The following LRP1B variants were observed in gnomAD, a reference collection of about 807,000 sequenced individuals.
The protein encoded by LRP1B is LDL receptor related protein 1B.
In LRP1B, 217 loss-of-function variants were observed where a neutral mutation model predicts 556.6. The ratio of observed to expected loss-of-function variants is 0.39; its 90% CI spans 0.35 to 0.44. LRP1B has a LOEUF of 0.44. LRP1B is among the 20% of genes least tolerant of loss of function. The probability of loss-of-function intolerance (pLI) is 1.00; values close to 1 mark genes in which losing one functional copy is unlikely to be tolerated. For missense variants in LRP1B, 5,053 were observed against 5,620.8 expected (o/e 0.90, Z 3.23); for synonymous variants, 2,047 against 1,865.8 (o/e 1.10, Z -2.50).
At chr2:141,159,126 A>T (rs150668016) in intron 7 of LRP1B, among the ~76,000 whole-genome samples, 1 of 152,328 alleles carries the variant, frequency 6.6e-6, no homozygotes, top group East Asian at 1.9e-4. Context: ...TCTCTTCCAC[A>T]GAAGGTGCCT....
intron 2 of LRP1B, among the ~76,000 whole-genome samples, chr2:141,540,531 A>C (rs1685221769): frequency 6.6e-6 from 1 of 152,028 alleles, no homozygotes; most frequent in Non-Finnish European, 1.5e-5. Flanking sequence ...AAAGTGCTTC[A>C]AGACTCATAG....
At chr2:141,216,123 G>T (rs1370440771) in intron 6 of LRP1B, among the ~76,000 whole-genome samples, 1 of 152,136 alleles carries the variant, frequency 6.6e-6, no homozygotes, top group African/African-American at 2.4e-5. Flanking sequence ...CAGGACCAAG[G>T]CTCTGCTGCT....
At position 140,501,708 on chromosome 2, in the gene LRP1B, T is replaced by C; in HGVS notation, c.8829A>G (p.Gln2943=). 1 of 1,611,174 alleles carries C rather than the reference T, an allele frequency of 6.2e-7. No homozygotes were observed. The highest frequency in any genetic ancestry group is 8.5e-7 in the Non-Finnish European group (1 of 1,178,304). The part of the protein sequence containing the change: ...KKVSGCSQDC[Q]DLPVSYKCKC... ...CTACCTTATAACTGACCGGAAGGTC[T>C]TGACAGTCTTGAGAACATCCACTGA... Residue 2943 remains glutamine (Q), a synonymous_variant, in exon 55 of 91, where the codon CAA becomes CAG. Transcript: ENST00000389484.
intron 3 of LRP1B, among the ~76,000 whole-genome samples, chr2:141,420,462 A>G (rs971351418): frequency 1.3e-5 from 2 of 152,078 alleles, no homozygotes; most frequent in African/African-American, 2.4e-5. Flanking sequence ...TGTGAATGCA[A>G]TTCTTCAGTT....
At chr2:141,339,125 G>A (rs1687953671) in intron 3 of LRP1B, among the ~76,000 whole-genome samples, 1 of 151,760 alleles carries the variant, frequency 6.6e-6, no homozygotes, top group Non-Finnish European at 1.5e-5. Flanking sequence ...TGAACTCCAG[G>A]CTAAGACTTA....
chr2:142,126,517 T>C (rs1178687162), intron 1 of LRP1B, among the ~76,000 whole-genome samples: 1 of 151,912 alleles, frequency 6.6e-6, no homozygotes, highest in Non-Finnish European at 1.5e-5. Flanking sequence ...AATGATATCA[T>C]GTTGGCACAG....
At chr2:141,295,746 AACACACACACACACACACAC>A (rs376812743) in intron 3 of LRP1B, among the ~76,000 whole-genome samples, 4 of 130,516 alleles carry the variant, frequency 3.1e-5, no homozygotes, top group Non-Finnish European at 4.8e-5. Flanking sequence ...TGAGGAGAGA[AACACACACACACACACACAC>A]ACACACACAC....
At chr2:141,719,956 A>G (rs1389488498) in intron 2 of LRP1B, among the ~76,000 whole-genome samples, 1 of 152,128 alleles carries the variant, frequency 6.6e-6, no homozygotes, top group Non-Finnish European at 1.5e-5. Flanking sequence ...CATGAAATAT[A>G]CCCATGCAAC....
intron 2 of LRP1B, among the ~76,000 whole-genome samples, chr2:141,735,588 A>G (rs1693435615): frequency 6.6e-6 from 1 of 151,974 alleles, no homozygotes. Flanking sequence ...AGAGCCCTCC[A>G]TTACTGCCCA....
rs927417246 is a variant in LRP1B at position 140,840,856 on chromosome 2, T to C, written c.5114+62A>G. 40 of 1,327,954 alleles carry C rather than the reference T, an allele frequency of 3.0e-5. No homozygotes were observed. In the African/African-American group the frequency reaches 5.7e-4, roughly 19 times the overall value. 82.3% of individuals were successfully genotyped at this position (1,327,954 alleles called of 1,614,324 possible). A position where few individuals can be genotyped will look rare whatever the true frequency, so the allele number is the denominator to read the frequency against. ...CTCTGAATTAAGCAATGTTTTTATA[T>C]AAAATCAGGGCAAAAGTCTATGAAA... On this transcript the variant is annotated intron_variant, in intron 30 of 90. Coordinates refer to ENST00000389484, the MANE Select transcript of LRP1B (RefSeq NM_018557.3).
At chr2:142,081,816 T>C (rs1705729309) in intron 1 of LRP1B, among the ~76,000 whole-genome samples, 1 of 152,176 alleles carries the variant, frequency 6.6e-6, no homozygotes, top group South Asian at 2.1e-4. Flanking sequence ...TAGAGTTTCT[T>C]GTAAGCATGG....
chr2:141,057,742 T>C (rs1699220300), intron 9 of LRP1B, among the ~76,000 whole-genome samples: 1 of 151,890 alleles, frequency 6.6e-6, no homozygotes, highest in African/African-American at 2.4e-5. Context: ...TAAACCTCTT[T>C]CTTTTGTAAA....
chr2:140,925,408 A>G (rs17578679), intron 20 of LRP1B, among the ~76,000 whole-genome samples: 17,205 of 152,176 alleles, frequency 0.11, 1,086 homozygotes, highest in Middle Eastern at 0.16. Flanking sequence ...GCATCACTCT[A>G]TGGTGAAGAG....
chr2:141,350,459 TA>T (rs1688403513), intron 3 of LRP1B, among the ~76,000 whole-genome samples: 1 of 152,022 alleles, frequency 6.6e-6, no homozygotes, highest in African/African-American at 2.4e-5. Flanking sequence ...CCAATGTTCA[TA>T]TTTGTTCAGA....
At chr2:140,453,462 T>C (rs1686962967) in intron 62 of LRP1B, among the ~76,000 whole-genome samples, 6 of 152,028 alleles carry the variant, frequency 3.9e-5, no homozygotes, top group Admixed American at 3.9e-4. Context: ...ATCATAAATG[T>C]TCTCTAAGAC....
At chr2:140,887,599 C>T (rs1693677084) in intron 23 of LRP1B, among the ~76,000 whole-genome samples, 2 of 152,076 alleles carry the variant, frequency 1.3e-5, no homozygotes, top group African/African-American at 4.8e-5. Context: ...CATGTTCACA[C>T]AAAAACTGGT....
At chr2:140,839,480 C>A (rs72924948) in intron 31 of LRP1B, among the ~76,000 whole-genome samples, 1 of 152,272 alleles carries the variant, frequency 6.6e-6, no homozygotes, top group Non-Finnish European at 1.5e-5. Context: ...TAAAAGCAGG[C>A]AGAGAAACAG....
At position 140,981,049 on chromosome 2, in the gene LRP1B, C is replaced by T. The variant is rs181057802; in HGVS notation, c.2887+1111G>A. Among the ~76,000 whole-genome samples, 672 of 150,436 alleles carry T rather than the reference C, an allele frequency of 4.5e-3. 10 individuals are homozygous for T. Among genetic ancestry groups the T allele is most frequent in the East Asian group, 0.034 (174 of 5,088 alleles). On this transcript the variant is annotated intron_variant, in intron 18 of 90. Transcript: ENST00000389484. ...ACACCTGGGAGTTAACCTATGAGGA[C>T]GCAAATGCATAAGAATGATGTAATA...
chr2:140,417,281 GT>G (rs1685241665), intron 66 of LRP1B, among the ~76,000 whole-genome samples: 1 of 152,224 alleles, frequency 6.6e-6, no homozygotes, highest in Admixed American at 6.5e-5. Context: ...TTGGTGAAGA[GT>G]TAATCCTGCC....
Sources: allele counts gnomAD v4.1 joint callset (sites outside exome capture counted in the v4.1 genomes callset), GRCh38; gene constraint gnomAD v4.1.1; transcripts MANE v1.5; gene names NCBI Gene and HGNC (gene_info 2026-07-23, HGNC 2026-07-21).